POLA1: variants seen among roughly 807,000 people sequenced by gnomAD.
POLA1 encodes the protein DNA polymerase alpha 1, catalytic subunit.
In POLA1, 15 loss-of-function variants were observed where a neutral mutation model predicts 124.0. The observed-to-expected ratio is 0.12, with a 90% CI of 0.08 to 0.19. The LOEUF (loss-of-function observed/expected upper bound fraction) is 0.19. Ranked by LOEUF, POLA1 falls within the 10% of genes least tolerant of loss-of-function variation. The pLI is 1.00. For missense variants in POLA1, 886 were observed against 1,103.4 expected, an observed-to-expected ratio of 0.80 and a Z score of 2.79; for synonymous variants, 408 against 389.4, an observed-to-expected ratio of 1.05 and a Z score of -0.56.
At chrX:24,832,863 C>T (rs1299755786) in intron 32 of POLA1, among the ~76,000 whole-genome samples, 1 of 111,703 alleles carries the variant, frequency 9.0e-6, no homozygotes, top group Non-Finnish European at 1.9e-5. Context: ...CAGTTTTTTC[C>T]AAAACCAGAA....
At chrX:24,851,486 A>G (rs2046560834) in intron 34 of POLA1, among the ~76,000 whole-genome samples, 1 of 113,170 alleles carries the variant, frequency 8.8e-6, no homozygotes, top group Non-Finnish European at 1.9e-5. Context: ...CGCTATTCGC[A>G]TTACAAGCTA....
intron 36 of POLA1, among the ~76,000 whole-genome samples, chrX:24,964,696 C>T (rs11573506): frequency 0.04 from 4,488 of 112,290 alleles, 219 homozygotes; most frequent in African/African-American, 0.14. Flanking sequence ...TGGGGAAAAA[C>T]ATATGGTTCA....
At chrX:24,925,826 G>A (rs763507042) in intron 35 of POLA1, among the ~76,000 whole-genome samples, 114 of 111,362 alleles carry the variant, frequency 1.0e-3, no homozygotes, top group African/African-American at 3.6e-3. Context: ...AGTGAGCTCA[G>A]CTCACTACAA....
intron 26 of POLA1, among the ~76,000 whole-genome samples, chrX:24,805,231 C>CA (rs1489658189): frequency 9.1e-6 from 1 of 110,045 alleles, no homozygotes; most frequent in East Asian, 2.8e-4. Flanking sequence ...TCTTTTTAAC[C>CA]AAAAAAAAGT....
intron 15 of POLA1, 31 bp from the exon 16 acceptor site, chrX:24,732,339 G>T (rs765005681): frequency 2.9e-5 from 27 of 925,114 alleles, no homozygotes; most frequent in Non-Finnish European, 4.1e-5. Flanking sequence ...TAGCGGTCTG[G>T]TAAGTGGGTT....
chrX:24,839,128 A>G (rs1026436713), intron 32 of POLA1, among the ~76,000 whole-genome samples: 5 of 112,101 alleles, frequency 4.5e-5, no homozygotes, highest in South Asian at 3.7e-4. Flanking sequence ...TGCTCTCCCA[A>G]GAAAATAACT....
intron 26 of POLA1, among the ~76,000 whole-genome samples, chrX:24,801,970 T>TGTGTGTGTGTGTGTGTGTGTGTGA (rs1339175196): frequency 9.4e-6 from 1 of 106,024 alleles, no homozygotes; most frequent in African/African-American, 3.5e-5. Flanking sequence ...TGTGTGTGTG[T>TGTGTGTGTGTGTGTGTGTGTGTGA]GACATTTATT....
intron 36 of POLA1, among the ~76,000 whole-genome samples, chrX:24,934,553 T>G (rs764204702): frequency 8.9e-6 from 1 of 112,446 alleles, no homozygotes; most frequent in Non-Finnish European, 1.9e-5. Context: ...CTGTTCTCAT[T>G]TAGTAGATGC....
At chrX:24,937,169 G>C (rs1406146807) in intron 36 of POLA1, among the ~76,000 whole-genome samples, 1 of 111,546 alleles carries the variant, frequency 9.0e-6, no homozygotes, top group Non-Finnish European at 1.9e-5. Context: ...AGTGATTGTA[G>C]AAATACGTAA....
At chrX:24,799,863 C>T (rs2045676154) in intron 26 of POLA1, among the ~76,000 whole-genome samples, 1 of 111,868 alleles carries the variant, frequency 8.9e-6, no homozygotes, top group African/African-American at 3.3e-5. Context: ...TTCATTTCCA[C>T]TGAGGCCTGG....
intron 35 of POLA1, among the ~76,000 whole-genome samples, chrX:24,899,794 T>C (rs2047252826): frequency 8.9e-6 from 1 of 111,734 alleles, no homozygotes; most frequent in Non-Finnish European, 1.9e-5. Flanking sequence ...TAGTGGATAG[T>C]GCGCCTCACC....
intron 34 of POLA1, among the ~76,000 whole-genome samples, chrX:24,881,771 G>A (rs1275887151): frequency 8.9e-6 from 1 of 111,800 alleles, no homozygotes; most frequent in African/African-American, 3.2e-5. Flanking sequence ...CACAAAAGAC[G>A]AATGGAACTG....
intron 30 of POLA1, among the ~76,000 whole-genome samples, chrX:24,820,439 G>T (rs2046068769): frequency 9.0e-6 from 1 of 111,561 alleles, no homozygotes; most frequent in African/African-American, 3.3e-5. Context: ...CCCTTCCAGG[G>T]CTGGGTATCC....
At chrX:24,881,069 T>G (rs2147127769) in intron 34 of POLA1, among the ~76,000 whole-genome samples, 1 of 112,125 alleles carries the variant, frequency 8.9e-6, no homozygotes, top group African/African-American at 3.2e-5. Flanking sequence ...CTTCCCCTGC[T>G]GCCTGTTTTG....
chrX:24,918,315 C>T (rs904831466), intron 35 of POLA1, among the ~76,000 whole-genome samples: 1 of 110,999 alleles, frequency 9.0e-6, no homozygotes, highest in East Asian at 2.8e-4. Flanking sequence ...CTATTAGTCA[C>T]TAAAACTACA....
intron 35 of POLA1, among the ~76,000 whole-genome samples, chrX:24,926,705 T>C (rs987357349): frequency 9.0e-6 from 1 of 111,627 alleles, no homozygotes; most frequent in Non-Finnish European, 1.9e-5. Context: ...ATACAGGTAG[T>C]GTGTAGCACA....
intron 29 of POLA1, among the ~76,000 whole-genome samples, chrX:24,814,243 G>A (rs2045953436): frequency 8.9e-6 from 1 of 112,344 alleles, no homozygotes; most frequent in Admixed American, 9.5e-5. Context: ...AAATGTATTA[G>A]TAATTAAAGC....
intron 26 of POLA1, among the ~76,000 whole-genome samples, chrX:24,767,801 A>G (rs144451018): frequency 1.7e-4 from 19 of 112,117 alleles, no homozygotes; most frequent in African/African-American, 5.2e-4. Context: ...CCCTGTTCCT[A>G]TAAGTGGGAG....
At chrX:24,771,306 A>G (rs1418559803) in intron 26 of POLA1, among the ~76,000 whole-genome samples, 2 of 111,601 alleles carry the variant, frequency 1.8e-5, no homozygotes, top group Non-Finnish European at 1.9e-5. Flanking sequence ...TAGGGAGGAC[A>G]TGAAGAAACA....
Sources: allele counts gnomAD v4.1 joint callset (sites outside exome capture counted in the v4.1 genomes callset), GRCh38; gene constraint gnomAD v4.1.1; transcripts MANE v1.5; gene names NCBI Gene and HGNC (gene_info 2026-07-23, HGNC 2026-07-21).